SSBP2: variants seen among roughly 807,000 people sequenced by gnomAD.
The protein encoded by SSBP2 is single-stranded DNA-binding protein 2.
SSBP2 carries 17 observed loss-of-function variants against 61.8 expected under a neutral mutation model. The observed-to-expected ratio is 0.28, with a 90% confidence interval of 0.19 to 0.41. The LOEUF (loss-of-function observed/expected upper bound fraction) is 0.41, where lower values mean the gene tolerates loss of function less well. SSBP2 is among the 10% of genes least tolerant of loss of function. The pLI is 1.00. For missense variants in SSBP2, 310 were observed against 458.7 expected (o/e 0.68, Z 2.96); for synonymous variants, 139 against 141.3 (o/e 0.98, Z 0.12).
intron 5 of SSBP2, among the ~76,000 whole-genome samples, chr5:81,493,258 A>ATAGATAGATAGT (rs1767006589): frequency 9.7e-6 from 1 of 102,722 alleles, no homozygotes; most frequent in African/African-American, 3.5e-5. Context: ...AAACAGATAG[A>ATAGATAGATAGT]TAGATAGATA....
At chr5:81,724,928 G>A (rs925198810) in intron 1 of SSBP2, among the ~76,000 whole-genome samples, 3 of 152,058 alleles carry the variant, frequency 2.0e-5, no homozygotes, top group Non-Finnish European at 4.4e-5. Flanking sequence ...TAGGCAAAAT[G>A]GACAAAGGAT....
intron 3 of SSBP2, 62 bp from the exon 4 acceptor site, chr5:81,615,619 T>A: frequency 9.2e-7 from 1 of 1,085,288 alleles, no homozygotes; most frequent in Non-Finnish European, 1.4e-6. Flanking sequence ...GAAATCACAA[T>A]TCCAAAAGTA....
intron 1 of SSBP2, among the ~76,000 whole-genome samples, chr5:81,676,184 A>G (rs1212835319): frequency 6.6e-6 from 1 of 152,084 alleles, no homozygotes; most frequent in Non-Finnish European, 1.5e-5. Context: ...CTTACTCTTA[A>G]CTGATATCCA....
chr5:81,728,137 T>C (rs922281081), intron 1 of SSBP2, among the ~76,000 whole-genome samples: 6 of 152,210 alleles, frequency 3.9e-5, no homozygotes, highest in African/African-American at 1.2e-4. Context: ...TGAACCACCG[T>C]TAGTCTAAGT....
intron 4 of SSBP2, among the ~76,000 whole-genome samples, chr5:81,607,536 T>C (rs1186824569): frequency 1.3e-5 from 2 of 152,160 alleles, no homozygotes; most frequent in East Asian, 3.8e-4. Context: ...GGTAATTCAA[T>C]ACATGCTTGC....
At position 81,751,077 on chromosome 5, in the gene SSBP2, C is replaced by T. The variant is rs965265718; in HGVS notation, c.-35G>A. 3.2e-6 allele frequency: 5 copies of T among 1,568,086 alleles called. No homozygotes were observed. Among genetic ancestry groups the T allele is most frequent in the Middle Eastern group, 3.3e-4 (2 of 6,006 alleles). On this transcript the variant is annotated 5_prime_UTR_variant, in exon 1 of 17. Transcript: ENST00000320672. ...GAGAGCAGCTCCCACTGTCACGCAC[C>T]TGTCAACCCATCACAGCCTCCCCGG...
At position 81,417,783 on chromosome 5, in the gene SSBP2, A is replaced by T. The variant is rs955607217; in HGVS notation, c.*2721T>A. The T allele has an allele frequency of 1.3e-5, 2 of 152,160 alleles. No individual in the cohort carries two copies. The highest frequency in any genetic ancestry group is 4.8e-5 in the African/African-American group (2 of 41,440). 9.4% of individuals were successfully genotyped at this position (152,160 alleles called of 1,614,324 possible). A position where few individuals can be genotyped will look rare whatever the true frequency, so the allele number is the denominator to read the frequency against. On this transcript the variant is annotated 3_prime_UTR_variant, in exon 17 of 17. Coordinates refer to ENST00000320672, the MANE Select transcript of SSBP2 (RefSeq NM_012446.5). Reference sequence around the variant, plus strand: ...GGATACAATTTTCTCCTCAAAAATAATTTTTCAACTATTTCAGGAAATTTT... The same window carrying T: ...GGATACAATTTTCTCCTCAAAAATATTTTTTCAACTATTTCAGGAAATTTT...
chr5:81,738,687 T>C (rs533264099), intron 1 of SSBP2, among the ~76,000 whole-genome samples: 2 of 152,338 alleles, frequency 1.3e-5, no homozygotes, highest in East Asian at 3.9e-4. Flanking sequence ...CCAAGTCTGA[T>C]CTATTCTACA....
intron 15 of SSBP2, among the ~76,000 whole-genome samples, chr5:81,432,982 T>G (rs1454773520): frequency 2.2e-4 from 26 of 116,130 alleles, no homozygotes; most frequent in Admixed American, 4.1e-4. Flanking sequence ...GGGAGGGAGG[T>G]GGGGGGGGTC....
intron 1 of SSBP2, among the ~76,000 whole-genome samples, chr5:81,701,949 CATTA>C (rs1418855634): frequency 6.6e-6 from 1 of 152,056 alleles, no homozygotes; most frequent in Non-Finnish European, 1.5e-5. Flanking sequence ...GAAAATATTG[CATTA>C]ATGTTTTCAC....
intron 4 of SSBP2, among the ~76,000 whole-genome samples, chr5:81,522,463 T>TCA (rs1031135312): frequency 1.3e-5 from 2 of 152,030 alleles, no homozygotes; most frequent in Admixed American, 6.6e-5. Flanking sequence ...GATTGTTTAC[T>TCA]CACACACACA....
intron 1 of SSBP2, among the ~76,000 whole-genome samples, chr5:81,730,232 A>AT (rs956026807): frequency 7.1e-4 from 107 of 150,722 alleles, no homozygotes; most frequent in African/African-American, 2.1e-3. Flanking sequence ...TTTTAAAAGA[A>AT]TTTTTTTTTT....
intron 5 of SSBP2, among the ~76,000 whole-genome samples, chr5:81,490,820 C>T (rs1489500164): frequency 6.6e-6 from 1 of 152,192 alleles, no homozygotes; most frequent in Non-Finnish European, 1.5e-5. Context: ...TGTAAAAGTG[C>T]TTCCAGCAGT....
At chr5:81,689,174 A>G (rs1411394573) in intron 1 of SSBP2, among the ~76,000 whole-genome samples, 1 of 152,028 alleles carries the variant, frequency 6.6e-6, no homozygotes, top group Admixed American at 6.6e-5. Flanking sequence ...TTGACAGTAT[A>G]CAGTCAGAGG....
intron 5 of SSBP2, among the ~76,000 whole-genome samples, chr5:81,505,636 G>GA (rs1768127116): frequency 6.6e-6 from 1 of 152,098 alleles, no homozygotes; most frequent in Admixed American, 6.5e-5. Context: ...GCACTCGGAA[G>GA]AATTTTCAAT....
intron 1 of SSBP2, among the ~76,000 whole-genome samples, chr5:81,731,037 T>C (rs1386143186): frequency 6.6e-6 from 1 of 152,218 alleles, no homozygotes; most frequent in African/African-American, 2.4e-5. Flanking sequence ...TTTTCCATCC[T>C]GCAAAACTGA....
intron 4 of SSBP2, among the ~76,000 whole-genome samples, chr5:81,599,197 T>C (rs1744094153): frequency 6.6e-6 from 1 of 152,172 alleles, no homozygotes; most frequent in South Asian, 2.1e-4. Flanking sequence ...ACCTCTTTTT[T>C]TCCCAGGCAA....
intron 3 of SSBP2, among the ~76,000 whole-genome samples, chr5:81,616,774 C>A (rs1325542959): frequency 6.6e-6 from 1 of 151,420 alleles, no homozygotes; most frequent in African/African-American, 2.4e-5. Context: ...CAGACTGCCT[C>A]CTCAAGTGGG....
rs114156657 is a variant in SSBP2 at position 81,696,133 on chromosome 5, G to A, written c.63-45794C>T. ...CTGCAAAGATTCCTGTTCCCTACAT[G>A]CCACTACGGTTAAACACTCCGCTCT... On this transcript the variant is annotated intron_variant, in intron 1 of 16. Coordinates refer to ENST00000320672, the MANE Select transcript of SSBP2 (RefSeq NM_012446.5). Among the ~76,000 whole-genome samples the A allele has an allele frequency of 1.8e-3, 281 of 152,270 alleles. 2 individuals carry two copies. Among genetic ancestry groups the A allele is most frequent in the African/African-American group, 6.2e-3 (259 of 41,550 alleles).
Sources: gnomAD v4.1 joint callset for allele counts (sites outside exome capture counted in the v4.1 genomes callset) on GRCh38, gnomAD v4.1.1 for gene constraint, MANE v1.5 for transcripts, NCBI Gene and HGNC (gene_info 2026-07-23, HGNC 2026-07-21) for gene names.